The following CAGE1 variants were observed in gnomAD, a reference collection of about 807,000 sequenced individuals.
CAGE1 encodes the protein cancer-associated gene 1 protein.
A neutral mutation model predicts 94.9 loss-of-function variants in CAGE1; 66 were observed. The observed-to-expected ratio is 0.70, with a 90% CI of 0.57 to 0.85. The LOEUF (loss-of-function observed/expected upper bound fraction) is 0.85, where lower values mean the gene tolerates loss of function less well. Among genes scored for constraint, CAGE1 ranks in the 40% least tolerant of loss-of-function variants. The probability of loss-of-function intolerance (pLI) is 0.00; values close to 1 mark genes in which losing one functional copy is unlikely to be tolerated. For missense variants in CAGE1, 865 were observed against 950.4 expected (o/e 0.91, Z 1.18); for synonymous variants, 319 against 321.0 (o/e 0.99, Z 0.07).
intron 9 of CAGE1, among the ~76,000 whole-genome samples, chr6:7,358,411 T>C (rs1402807107): frequency 3.3e-5 from 5 of 152,208 alleles, no homozygotes; most frequent in Non-Finnish European, 4.4e-5. Context: ...TGAATGAATA[T>C]ATACAATGTA....
rs1477063961 is a variant in CAGE1, at chr6:7,362,777, A to G, written c.2193+2691T>C. Among the ~76,000 whole-genome samples the G allele has an allele frequency of 6.6e-6, 1 of 152,180 alleles. No individual in the cohort carries two copies. Among genetic ancestry groups the G allele is most frequent in the Non-Finnish European group, 1.5e-5 (1 of 68,024 alleles). ...CTTTTTATCTTGAAAATTTTCATGC[A>G]AGTCTAAAGAATAACATAATGAACC... is the stretch of plus-strand genomic sequence containing the variant. On this transcript the variant is annotated intron_variant, in intron 9 of 13. Coordinates refer to ENST00000502583, the MANE Select transcript of CAGE1 (RefSeq NM_001170692.2). The surrounding 1 kb of genome is among the most constrained non-coding windows in gnomAD (Gnocchi z 4.1).
chr6:7,345,609 T>C (rs1382406778), intron 11 of CAGE1, among the ~76,000 whole-genome samples: 3 of 152,194 alleles, frequency 2.0e-5, no homozygotes, highest in Non-Finnish European at 4.4e-5. Flanking sequence ...TAAACAGCTG[T>C]TTCTAACGTC....
intron 11 of CAGE1, among the ~76,000 whole-genome samples, chr6:7,344,572 C>T (rs1039224356): frequency 2.6e-5 from 4 of 152,358 alleles, no homozygotes; most frequent in African/African-American, 9.6e-5. Flanking sequence ...CGCCCAGTCC[C>T]ATCCACCACC....
chr6:7,343,931 A>G (rs2714319), intron 11 of CAGE1, among the ~76,000 whole-genome samples: 78,563 of 152,110 alleles, frequency 0.52, 21,942 homozygotes, highest in African/African-American at 0.74. Context: ...ACAAAGGAAG[A>G]AATGGGATAG....
At chr6:7,382,946 C>T (rs1581700316) in intron 3 of CAGE1, among the ~76,000 whole-genome samples, 2 of 152,230 alleles carry the variant, frequency 1.3e-5, no homozygotes, top group East Asian at 3.9e-4. Flanking sequence ...TCTGTTGTCA[C>T]AAAGGCATTT....
intron 13 of CAGE1, chr6:7,329,336 G>C (rs1758658995): frequency 2.8e-6 from 1 of 355,160 alleles, no homozygotes; most frequent in Admixed American, 4.7e-5. Context: ...CAATATGCAT[G>C]ATGAGAAGGA....
rs539133047 is a variant in CAGE1, at chr6:7,379,700, T to A, written c.284-680A>T. ...GATAACCAGTGTACTGAAGCCCATA[T>A]GTATTCATTCTTCCCATTCCCATTT... On this transcript the variant is annotated intron_variant, in intron 3 of 13. Coordinates refer to ENST00000502583, the MANE Select transcript of CAGE1 (RefSeq NM_001170692.2). Among the ~76,000 whole-genome samples the A allele has an allele frequency of 3.3e-5, 5 of 152,338 alleles. No individual in the cohort carries two copies. In the East Asian group the frequency reaches 5.8e-4, roughly 18 times the overall value.
chr6:7,375,984 A>G (rs1436136747), intron 4 of CAGE1, among the ~76,000 whole-genome samples: 1 of 152,146 alleles, frequency 6.6e-6, no homozygotes, highest in African/African-American at 2.4e-5. Flanking sequence ...CTTGATCCCC[A>G]ATCCCCAGTG....
At chr6:7,377,884 T>C (rs893380475) in intron 4 of CAGE1, among the ~76,000 whole-genome samples, 19 of 152,360 alleles carry the variant, frequency 1.2e-4, no homozygotes, top group African/African-American at 4.6e-4. Context: ...TCTTCAGTGC[T>C]CTTAGGATAC....
chr6:7,381,804 C>T (rs925739453), intron 3 of CAGE1, among the ~76,000 whole-genome samples: 13 of 151,766 alleles, frequency 8.6e-5, no homozygotes, highest in Non-Finnish European at 1.6e-4. Flanking sequence ...GCTGGGATTA[C>T]AAGTGTGAGC....
At chr6:7,330,459 C>T (rs1758706166) in intron 12 of CAGE1, among the ~76,000 whole-genome samples, 1 of 152,154 alleles carries the variant, frequency 6.6e-6, no homozygotes, top group Admixed American at 6.5e-5. Flanking sequence ...CATAGATTTA[C>T]TTAGGATACG....
intron 11 of CAGE1, among the ~76,000 whole-genome samples, chr6:7,352,299 A>C (rs1350417006): frequency 1.7e-5 from 2 of 119,846 alleles, no homozygotes; most frequent in Non-Finnish European, 3.4e-5. Flanking sequence ...GCAAAAAAAA[A>C]AAAAAACAAA....
rs1238914454 is a variant in CAGE1, at chr6:7,369,971, G to C, written c.1841C>G (p.Ala614Gly). The stretch of plus-strand genomic sequence containing the variant: ...AGCCAGAAGACTGTGCATTTTGGAG[G>C]CCAGCTGAGAAGCTCTTTTTATATC... ...PADIKRASQL[A>G]SKMHSLLALM... is the part of the protein sequence containing the mutation. Residue 614 changes from alanine (A) to glycine (G), a missense_variant, in exon 6 of 14, where the codon GCC becomes GGC. Physicochemically the swap from Ala to Gly is moderately conservative, Grantham distance 60. Coordinates refer to ENST00000502583, the MANE Select transcript of CAGE1 (RefSeq NM_001170692.2). 2 of 1,613,610 alleles carry C rather than the reference G, an allele frequency of 1.2e-6. No individual in the cohort carries two copies. Among genetic ancestry groups the C allele is most frequent in the African/African-American group, 2.7e-5 (2 of 74,878 alleles).
chr6:7,339,412 T>A lies in CAGE1; in HGVS notation c.2370-5322A>T. The A allele has an allele frequency of 1.9e-6, 3 of 1,550,246 alleles. No individual in the cohort carries two copies. The South Asian group carries it at 3.3e-5, about 17-fold the overall frequency. On this transcript the variant is annotated intron_variant, in intron 11 of 13. Coordinates refer to ENST00000502583, the MANE Select transcript of CAGE1 (RefSeq NM_001170692.2). The surrounding 1 kb of genome is among the most constrained non-coding windows in gnomAD (Gnocchi z 4.7). ...TCACCAAGAACATTCTGTGTTCTGG[T>A]GGCTAAGACAATGATTTCTGTCCTG...
In CAGE1 at chr6:7,341,558, T is replaced by C. The variant is rs930757610; in HGVS notation, c.2370-7468A>G. On this transcript the variant is annotated intron_variant, in intron 11 of 13. Coordinates refer to ENST00000502583, the MANE Select transcript of CAGE1 (RefSeq NM_001170692.2). ...ATTAGCACAAGGCCTCGGACCTTTT[T>C]CCTCTCAGGCCTAGCTTTAAGCAGG... 24 of 1,199,414 alleles carry C rather than the reference T, an allele frequency of 2.0e-5. No homozygotes were observed. The East Asian group carries it at 5.8e-4, about 29-fold the overall frequency. 74.3% of individuals were successfully genotyped at this position (1,199,414 alleles called of 1,614,324 possible).
At position 7,339,777 on chromosome 6, in the gene CAGE1, G is replaced by A. The variant is rs1022846830; in HGVS notation, c.2370-5687C>T. Among the ~76,000 whole-genome samples, 2 of 152,056 alleles carry A rather than the reference G, an allele frequency of 1.3e-5. No homozygotes were observed. Among genetic ancestry groups the A allele is most frequent in the African/African-American group, 4.8e-5 (2 of 41,424 alleles). On this transcript the variant is annotated intron_variant, in intron 11 of 13. Coordinates refer to ENST00000502583, the MANE Select transcript of CAGE1 (RefSeq NM_001170692.2). This position sits in a 1 kb window ranked among gnomAD's most constrained non-coding sequence, Gnocchi z 4.7. ...CCTTTTTATGGCTGAATAGCATTCC[G>A]TGGTGTATATATATACCACAATTTC...
intron 4 of CAGE1, among the ~76,000 whole-genome samples, chr6:7,377,587 A>T (rs893411412): frequency 2.0e-5 from 3 of 152,064 alleles, no homozygotes; most frequent in Non-Finnish European, 4.4e-5. Context: ...ACAAAAAAAA[A>T]TTAGCCAGGT....
At chr6:7,335,504 C>G (rs1758924354) in intron 11 of CAGE1, among the ~76,000 whole-genome samples, 1 of 152,226 alleles carries the variant, frequency 6.6e-6, no homozygotes, top group Admixed American at 6.5e-5. Context: ...AAAGAAGTTG[C>G]TACTTAGCTC....
At chr6:7,342,515 G>A (rs1561849822) in intron 11 of CAGE1, among the ~76,000 whole-genome samples, 1 of 152,122 alleles carries the variant, frequency 6.6e-6, no homozygotes, top group Admixed American at 6.6e-5. Flanking sequence ...CTCATACTCC[G>A]GGTATCTGTA....
Sources: allele counts gnomAD v4.1 joint callset (sites outside exome capture counted in the v4.1 genomes callset), GRCh38; gene constraint gnomAD v4.1.1; non-coding constraint Gnocchi (gnomAD v3.1); transcripts MANE v1.5; gene names NCBI Gene and HGNC (gene_info 2026-07-23, HGNC 2026-07-21).